Variants in KIR2DL4 observed in about 807,000 individuals in gnomAD.
KIR2DL4 encodes the protein killer cell immunoglobulin like receptor, two Ig domains and long cytoplasmic tail 4.
In KIR2DL4, 41 loss-of-function variants were observed where a neutral mutation model predicts 31.0. That is an observed-to-expected ratio of 1.32 (90% CI 1.03 to 1.72). The LOEUF (loss-of-function observed/expected upper bound fraction) is 1.72, where lower values mean the gene tolerates loss of function less well. KIR2DL4 is among the 40% of genes most tolerant of loss of function. The pLI, the probability that KIR2DL4 is intolerant of heterozygous loss-of-function variation, is 0.00. For synonymous variants in KIR2DL4, 164 were observed against 133.6 expected (o/e 1.23, Z -1.57); for missense variants, 438 against 353.7 (o/e 1.24, Z -1.91).
Position 54,805,283 on chromosome 19 carries a change from T to A in KIR2DL4, c.361+206T>A, listed in dbSNP as rs560988603. On this transcript the variant is annotated intron_variant, in intron 3 of 7. Coordinates refer to ENST00000359085, the Ensembl canonical transcript of KIR2DL4. ...TTGTAATCCTTGGAGCCTGTGACTA[T>A]GTTATAGGGCAGGGGACTGAAGGGG... Among the ~76,000 whole-genome samples, 514 of 151,410 alleles carry A rather than the reference T, an allele frequency of 3.4e-3. 21 individuals are homozygous for A. Among genetic ancestry groups the A allele is most frequent in the African/African-American group, 0.012 (501 of 41,078 alleles).
rs1009785226 is a variant in KIR2DL4, at chr19:54,805,217, T to G, written c.361+140T>G. On this transcript the variant is annotated intron_variant, in intron 3 of 7. Transcript: ENST00000359085. Reference sequence around the variant, plus strand: ...GGGGGATTGAATACAGGGGAATGGGTGCTGTGTTGGAAAGAATAACTGTCC... The same window carrying G: ...GGGGGATTGAATACAGGGGAATGGGGGCTGTGTTGGAAAGAATAACTGTCC... The G allele has an allele frequency of 8.6e-5, 69 of 806,594 alleles. 1 individual carries two copies. In the African/African-American group the frequency reaches 1.0e-3, roughly 12 times the overall value. The allele number at this position is 806,594 out of a possible 1,614,324, so 50.0% of individuals were successfully genotyped here.
chr19:54,813,572 G>A, intron 6 of KIR2DL4, 118 bp from the exon 6 acceptor site: 1 of 1,029,872 alleles, frequency 9.7e-7, no homozygotes, highest in Non-Finnish European at 1.5e-6. Flanking sequence ...GAGTCTGGCT[G>A]TTGGCAGCTG....
intron 5 of KIR2DL4, among the ~76,000 whole-genome samples, chr19:54,810,980 C>T (rs2060833946): frequency 6.6e-6 from 1 of 151,326 alleles, no homozygotes; most frequent in African/African-American, 2.4e-5. Flanking sequence ...TTGATTTTTC[C>T]TAATTGTTTA....
chr19:54,814,142 C>T (rs1467833845), exon 8 of KIR2DL4: 4 of 1,602,892 alleles, frequency 2.5e-6, no homozygotes, highest in Non-Finnish European at 2.5e-6. Flanking sequence ...GAGCATCACT[C>T]TTCCTCACAC....
At chr19:54,807,902 A>G (rs2147921374) in intron 4 of KIR2DL4, among the ~76,000 whole-genome samples, 1 of 150,920 alleles carries the variant, frequency 6.6e-6, no homozygotes, top group South Asian at 2.1e-4. Flanking sequence ...GTGAGATGAT[A>G]GCTCATTGTG....
rs1347429978 is a variant in KIR2DL4 at position 54,804,898 on chromosome 19, C to T, written c.182C>T (p.Thr61Met). ...TATCGTCGTGGGTTTAACATCTTCA[C>T]GCTGTACAAGAAAGATGGGGTCCCT... Residue 61 changes from threonine (T) to methionine (M), a missense_variant, in exon 3 of 8, where the codon ACG becomes ATG. Physicochemically the swap from Thr to Met is moderately conservative, Grantham distance 81. Transcript: ENST00000359085. 9.3e-6 allele frequency: 15 copies of T among 1,611,892 alleles called. No individual in the cohort carries two copies. The highest frequency in any genetic ancestry group is 3.3e-5 in the South Asian group (3 of 90,626).
chr19:54,813,729 C>T (rs1185481589), exon 7 of KIR2DL4: 3 of 1,611,872 alleles, frequency 1.9e-6, no homozygotes, highest in African/African-American at 1.3e-5. Flanking sequence ...GGACACAGAA[C>T]AGTGAACAGG....
Position 54,808,896 on chromosome 19 carries a change from C to A in KIR2DL4, c.706+13C>A. 5 of 1,599,110 alleles carry A rather than the reference C, an allele frequency of 3.1e-6. No individual in the cohort carries two copies. The highest frequency in any genetic ancestry group is 4.3e-6 in the Non-Finnish European group (5 of 1,169,334). ...AGCTTCAAAACTGGTAAGTGAAGGA[C>A]CCCTCTTATCTCTGCTTTTGGAAAC... On this transcript the variant is annotated intron_variant, in intron 5 of 7. Transcript: ENST00000359085.
At position 54,804,638 on chromosome 19, in the gene KIR2DL4, G is replaced by A. The variant is rs936687173; in HGVS notation, c.77-155G>A. The stretch of plus-strand genomic sequence containing the variant: ...ACTGACACTTTTGTTGTAGGGAGAC[G>A]CCACGTCTATGCGGGATGGGTCCTT... On this transcript the variant is annotated intron_variant, in intron 2 of 7. Transcript: ENST00000359085. 2.0e-5 allele frequency among the ~76,000 whole-genome samples: 3 copies of A among 151,218 alleles called. No homozygotes were observed. The East Asian group carries it at 5.8e-4, about 29-fold the overall frequency.
At chr19:54,813,362 A>G in intron 6 of KIR2DL4, 1 of 1,396,372 alleles carries the variant, frequency 7.2e-7, no homozygotes, top group Non-Finnish European at 9.6e-7. Flanking sequence ...AGCTTTCTAG[A>G]GAGAGCACCA....
exon 8 of KIR2DL4, chr19:54,813,965 T>C (rs1424964546): frequency 6.2e-7 from 1 of 1,612,126 alleles, no homozygotes. Context: ...TACCAGCGTG[T>C]GTATAGAACT....
chr19:54,805,459 A>G (rs926010484), intron 3 of KIR2DL4, among the ~76,000 whole-genome samples: 1 of 150,688 alleles, frequency 6.6e-6, no homozygotes, highest in African/African-American at 2.5e-5. Flanking sequence ...ATACTCCACC[A>G]GCCACTGTGG....
intron 5 of KIR2DL4, among the ~76,000 whole-genome samples, chr19:54,812,280 C>T (rs1444039672): frequency 6.6e-6 from 1 of 151,236 alleles, no homozygotes; most frequent in East Asian, 1.9e-4. Flanking sequence ...TGAGCCAGTC[C>T]CTCAAGGCTC....
exon 4 of KIR2DL4, chr19:54,805,974 A>G: frequency 6.2e-7 from 1 of 1,607,438 alleles, no homozygotes; most frequent in African/African-American, 1.4e-5. Flanking sequence ...ACCTTCGCTT[A>G]CAGCCCGGCC....
At chr19:54,804,981 C>T (rs2060419111) in exon 3 of KIR2DL4, 1 of 1,612,052 alleles carries the variant, frequency 6.2e-7, no homozygotes, top group Non-Finnish European at 8.5e-7. Flanking sequence ...CCCTGTGACC[C>T]CAGCACACGC....
chr19:54,813,214 T>C (rs1385789261), exon 6 of KIR2DL4: 4 of 1,523,498 alleles, frequency 2.6e-6, no homozygotes, highest in Non-Finnish European at 3.5e-6. Context: ...TCATCGCTGG[T>C]GCTCCAAAAA....
At chr19:54,806,078 C>G (rs1293281312) in exon 4 of KIR2DL4, 32 of 1,611,894 alleles carry the variant, frequency 2.0e-5, no homozygotes, top group Non-Finnish European at 2.5e-5. Context: ...AGGGGGAAGC[C>G]CATGAACTTA....
chr19:54,805,524 A>C (rs2060460350), intron 3 of KIR2DL4, among the ~76,000 whole-genome samples: 1 of 151,374 alleles, frequency 6.6e-6, no homozygotes, highest in Admixed American at 6.6e-5. Context: ...AAATCAATGG[A>C]ACTGATTCTC....
chr19:54,807,980 T>C (rs1205521671), intron 4 of KIR2DL4, among the ~76,000 whole-genome samples: 1 of 151,384 alleles, frequency 6.6e-6, no homozygotes, highest in African/African-American at 2.4e-5. Flanking sequence ...TGTATATATG[T>C]TCATTTGTAT....
Sources: gnomAD v4.1 joint callset for allele counts (sites outside exome capture counted in the v4.1 genomes callset) on GRCh38, gnomAD v4.1.1 for gene constraint, MANE v1.5 for transcripts, NCBI Gene and HGNC (gene_info 2026-07-23, HGNC 2026-07-21) for gene names.